The following WDFY4 variants were observed in gnomAD, a reference collection of about 807,000 sequenced individuals.
WDFY4 encodes WD repeat- and FYVE domain-containing protein 4.
A neutral mutation model predicts 351.9 loss-of-function variants in WDFY4; 169 were observed. The ratio of observed to expected loss-of-function variants is 0.48; its 90% CI spans 0.42 to 0.55. WDFY4 has a LOEUF of 0.55. Among genes scored for constraint, WDFY4 ranks in the 20% least tolerant of loss-of-function variants. WDFY4 has a pLI of 0.00. For synonymous variants in WDFY4, 1,622 were observed against 1,574.6 expected (o/e 1.03, Z -0.71); for missense variants, 3,803 against 3,935.6 (o/e 0.97, Z 0.90).
intron 43 of WDFY4, among the ~76,000 whole-genome samples, chr10:48,879,542 T>G (rs2070163932): frequency 6.6e-6 from 1 of 152,268 alleles, no homozygotes; most frequent in African/African-American, 2.4e-5. Context: ...ACATAGTGAT[T>G]TTAACGCAAT....
intron 39 of WDFY4, among the ~76,000 whole-genome samples, chr10:48,852,471 C>T (rs1434035399): frequency 6.6e-6 from 1 of 152,184 alleles, no homozygotes; most frequent in Non-Finnish European, 1.5e-5. Context: ...AGAGAACAGA[C>T]CAAGGGATGA....
intron 43 of WDFY4, among the ~76,000 whole-genome samples, chr10:48,888,237 C>A (rs1357065105): frequency 6.6e-6 from 1 of 151,978 alleles, no homozygotes; most frequent in Non-Finnish European, 1.5e-5. Context: ...ATCCTCAATT[C>A]ATCCTCCGTC....
At chr10:48,956,026 A>G (rs2133818452) in intron 51 of WDFY4, among the ~76,000 whole-genome samples, 1 of 152,268 alleles carries the variant, frequency 6.6e-6, no homozygotes, top group East Asian at 1.9e-4. Flanking sequence ...CAATTTCAGA[A>G]ACTGTCTCCT....
At chr10:48,900,928 C>T in intron 46 of WDFY4, among the ~76,000 whole-genome samples, 1 of 152,170 alleles carries the variant, frequency 6.6e-6, no homozygotes, top group East Asian at 1.9e-4. Flanking sequence ...GTCAGTTCCT[C>T]ATCATTATAG....
intron 30 of WDFY4, 49 bp from the exon 31 acceptor site, chr10:48,813,908 C>T: frequency 6.9e-7 from 1 of 1,452,540 alleles, no homozygotes; most frequent in Non-Finnish European, 9.1e-7. Flanking sequence ...AGCTCGTTCT[C>T]TTGGTGAGTA....
chr10:48,849,425 G>A (rs914985281), intron 39 of WDFY4, among the ~76,000 whole-genome samples: 1 of 152,182 alleles, frequency 6.6e-6, no homozygotes, highest in African/African-American at 2.4e-5. Flanking sequence ...ACCAGATGAA[G>A]TGACTGGCTT....
intron 43 of WDFY4, among the ~76,000 whole-genome samples, chr10:48,881,138 T>G (rs999545885): frequency 1.3e-5 from 2 of 152,222 alleles, no homozygotes; most frequent in African/African-American, 4.8e-5. Flanking sequence ...GAGGCAGCTC[T>G]CAGTCTCTGG....
chr10:48,890,169 C>T (rs11599519), intron 43 of WDFY4, among the ~76,000 whole-genome samples: 3,877 of 152,316 alleles, frequency 0.025, 91 homozygotes, highest in Non-Finnish European at 0.037. Context: ...CAACCATGTA[C>T]TGGCTGGTCC....
intron 32 of WDFY4, among the ~76,000 whole-genome samples, chr10:48,817,833 A>G (rs552434512): frequency 6.6e-6 from 1 of 152,342 alleles, no homozygotes; most frequent in South Asian, 2.1e-4. Context: ...CCCCTGGGCC[A>G]TGACTTGTGT....
chr10:48,929,037 G>A (rs1839821075), intron 47 of WDFY4, among the ~76,000 whole-genome samples: 1 of 152,214 alleles, frequency 6.6e-6, no homozygotes, highest in African/African-American at 2.4e-5. Context: ...GAGACATAGA[G>A]ATTAGAAGAG....
chr10:48,941,763 G>A (rs543711405), intron 47 of WDFY4, 43 bp from the exon 48 acceptor site: 2 of 1,549,042 alleles, frequency 1.3e-6, no homozygotes, highest in African/African-American at 2.7e-5. Flanking sequence ...TTGTATTCTT[G>A]CCTTGGTATA....
rs548732004 is a variant in WDFY4 at position 48,780,045 on chromosome 10, G to A, written c.3502G>A (p.Val1168Ile). ...TGGTCAGTGGCATCACTTGGCTGTG[G>A]TTGTCACTAAGGAAATGAAAAGGCA... is the stretch of plus-strand genomic sequence containing the variant. ...ACGQWHHLAVVVTKEMKRHCT... is the reference protein window; with the variant it reads ...ACGQWHHLAVIVTKEMKRHCT... Residue 1168 changes from valine (V) to isoleucine (I), a missense_variant, in exon 19 of 62, where the codon GTT (valine) becomes ATT (isoleucine). Physicochemically the swap from Val to Ile is conservative, Grantham distance 29. This residue lies in a region of WDFY4 where 3,054 missense variants were observed against 3,148.6 expected (regional missense o/e 0.97). Transcript: ENST00000325239. 9.0e-6 allele frequency: 14 copies of A among 1,551,946 alleles called. No individual in the cohort carries two copies. The Admixed American group carries it at 9.8e-5, about 11-fold the overall frequency.
At chr10:48,887,458 C>A (rs2070506537) in intron 43 of WDFY4, among the ~76,000 whole-genome samples, 1 of 152,144 alleles carries the variant, frequency 6.6e-6, no homozygotes, top group South Asian at 2.1e-4. Context: ...ATGCCCATAC[C>A]CTTGACCTGC....
chr10:48,800,841 T>C (rs576837093), intron 24 of WDFY4, among the ~76,000 whole-genome samples: 148 of 151,694 alleles, frequency 9.8e-4, no homozygotes, highest in African/African-American at 3.3e-3. Flanking sequence ...CAAGTAATTC[T>C]CCTGCCTCAG....
chr10:48,834,931 C>T (rs974612906), intron 39 of WDFY4, among the ~76,000 whole-genome samples: 12 of 152,196 alleles, frequency 7.9e-5, no homozygotes, highest in African/African-American at 2.9e-4. Flanking sequence ...ACATAGGTGT[C>T]CCAAGTGGCT....
intron 19 of WDFY4, 114 bp downstream of exon 19, chr10:48,780,233 A>T: frequency 7.5e-7 from 1 of 1,328,476 alleles, no homozygotes; most frequent in East Asian, 2.5e-5. Flanking sequence ...TTTGTTTATT[A>T]CTGGTAGGGT....
At chr10:48,745,050 A>G (rs2064966989) in intron 12 of WDFY4, among the ~76,000 whole-genome samples, 1 of 152,046 alleles carries the variant, frequency 6.6e-6, no homozygotes, top group Non-Finnish European at 1.5e-5. Flanking sequence ...CTTTGGGCTT[A>G]TTCTGGTGTT....
At chr10:48,857,387 G>T (rs759713492) in intron 39 of WDFY4, among the ~76,000 whole-genome samples, 1 of 151,504 alleles carries the variant, frequency 6.6e-6, no homozygotes, top group Non-Finnish European at 1.5e-5. Context: ...TACACATGAT[G>T]ATTTTTATAC....
At chr10:48,766,593 CA>C (rs1283458677) in intron 13 of WDFY4, among the ~76,000 whole-genome samples, 3 of 151,240 alleles carry the variant, frequency 2.0e-5, no homozygotes, top group Non-Finnish European at 4.4e-5. Context: ...GACCTTGTCT[CA>C]AAAAAAACCT....
Sources: gnomAD v4.1 joint callset for allele counts (sites outside exome capture counted in the v4.1 genomes callset) on GRCh38, gnomAD v4.1.1 for gene constraint, gnomAD v4.1.1 regional missense constraint, MANE v1.5 for transcripts, NCBI Gene and HGNC (gene_info 2026-07-23, HGNC 2026-07-21) for gene names.